Variants in BCAS3 observed in about 807,000 individuals in gnomAD.
BCAS3 encodes BCAS4/BCAS3 fusion.
A neutral mutation model predicts 116.1 loss-of-function variants in BCAS3; 53 were observed. The observed-to-expected ratio is 0.46, with a 90% CI of 0.37 to 0.57. The LOEUF is 0.57. Ranked by LOEUF, BCAS3 falls within the 20% of genes least tolerant of loss-of-function variation. The probability of loss-of-function intolerance (pLI) is 0.00; values close to 1 mark genes in which losing one functional copy is unlikely to be tolerated. For missense variants in BCAS3, 917 were observed against 1,165.4 expected (o/e 0.79, Z 3.10); for synonymous variants, 391 against 408.2 (o/e 0.96, Z 0.51).
intron 22 of BCAS3, among the ~76,000 whole-genome samples, chr17:61,127,342 TAA>T (rs1321923957): frequency 4.6e-5 from 7 of 151,948 alleles, no homozygotes. Flanking sequence ...TTTATAAATA[TAA>T]GAGTGTTTTC....
chr17:61,212,385 G>C (rs1486444148), intron 22 of BCAS3, among the ~76,000 whole-genome samples: 1 of 152,048 alleles, frequency 6.6e-6, no homozygotes, highest in African/African-American at 2.4e-5. Context: ...TAACTAGTGA[G>C]GGCCACCACG....
chr17:60,783,481 A>G (rs2046006013), intron 6 of BCAS3, among the ~76,000 whole-genome samples: 1 of 152,198 alleles, frequency 6.6e-6, no homozygotes, highest in African/African-American at 2.4e-5. Context: ...CTGGGATTAT[A>G]GGCACGAGCC....
At chr17:60,717,696 C>CGG (rs2144068164) in intron 5 of BCAS3, among the ~76,000 whole-genome samples, 1 of 152,268 alleles carries the variant, frequency 6.6e-6, no homozygotes, top group South Asian at 2.1e-4. Context: ...GGTGAAATTA[C>CGG]TTATACCCGC....
intron 13 of BCAS3, among the ~76,000 whole-genome samples, chr17:60,937,763 T>C (rs1273094411): frequency 6.6e-6 from 1 of 152,212 alleles, no homozygotes; most frequent in Non-Finnish European, 1.5e-5. Flanking sequence ...CTATCCCTTC[T>C]GTCTACCAAA....
At chr17:60,888,078 G>T (rs1369501344) in intron 9 of BCAS3, among the ~76,000 whole-genome samples, 1 of 152,162 alleles carries the variant, frequency 6.6e-6, no homozygotes, top group Non-Finnish European at 1.5e-5. Flanking sequence ...AAAGAGTCAT[G>T]CTTATAAGGT....
chr17:61,245,773 T>C (rs1292975042), intron 22 of BCAS3, among the ~76,000 whole-genome samples: 5 of 152,126 alleles, frequency 3.3e-5, no homozygotes, highest in Non-Finnish European at 7.4e-5. Context: ...CATTTAGTAC[T>C]TCTTTTTCAT....
intron 9 of BCAS3, among the ~76,000 whole-genome samples, chr17:60,876,023 A>C (rs1375590702): frequency 6.6e-6 from 1 of 152,068 alleles, no homozygotes; most frequent in African/African-American, 2.4e-5. Flanking sequence ...AAAGATAAGA[A>C]CTTTGAAAAA....
intron 12 of BCAS3, among the ~76,000 whole-genome samples, chr17:60,914,755 C>T (rs1258012803): frequency 6.6e-6 from 1 of 152,152 alleles, no homozygotes; most frequent in African/African-American, 2.4e-5. Context: ...TGATTCACTT[C>T]CACTTAATGA....
rs994160905 is a variant in BCAS3 at position 61,327,492 on chromosome 17, A to C, written c.2426-40835A>C. 5.3e-5 allele frequency among the ~76,000 whole-genome samples: 8 copies of C among 152,012 alleles called. No individual in the cohort carries two copies. Among genetic ancestry groups the C allele is most frequent in the African/African-American group, 1.9e-4 (8 of 41,394 alleles). ...GCAAGTATGTGGAGATGAGGGAGCAAATAGAAAATGAAGCAAAATTTTTTT... is the reference window on the plus strand; with the variant it reads ...GCAAGTATGTGGAGATGAGGGAGCACATAGAAAATGAAGCAAAATTTTTTT... On this transcript the variant is annotated intron_variant, in intron 22 of 23. Transcript: ENST00000407086. The surrounding 1 kb of genome is among the most constrained non-coding windows in gnomAD (Gnocchi z 5.9).
chr17:61,374,441 G>A (rs2059233744), intron 23 of BCAS3, among the ~76,000 whole-genome samples: 1 of 152,222 alleles, frequency 6.6e-6, no homozygotes, highest in Non-Finnish European at 1.5e-5. Context: ...AAAGTGTTGG[G>A]ATTACAGGCA....
Position 60,819,195 on chromosome 17 carries a change from T to G in BCAS3, c.476+11119T>G, listed in dbSNP as rs530459115. Among the ~76,000 whole-genome samples the G allele has an allele frequency of 1.1e-3, 169 of 152,328 alleles. 1 individual carries two copies. Among genetic ancestry groups the G allele is most frequent in the African/African-American group, 3.9e-3 (162 of 41,582 alleles). ...CATGACCCCAGTTCACTTAATTACT[T>G]AAAGCAAATTTTTAGTTTTTGTTTG... On this transcript the variant is annotated intron_variant, in intron 7 of 23. Transcript: ENST00000407086.
chr17:60,775,734 T>A (rs940681598), intron 6 of BCAS3, among the ~76,000 whole-genome samples: 1 of 152,192 alleles, frequency 6.6e-6, no homozygotes. Context: ...TGCAAAGGAA[T>A]GATCCGCACA....
intron 5 of BCAS3, among the ~76,000 whole-genome samples, chr17:60,741,291 C>T (rs1325831886): frequency 6.6e-6 from 1 of 152,164 alleles, no homozygotes; most frequent in Admixed American, 6.5e-5. Flanking sequence ...ATGTGTTGGC[C>T]TGGAAACTGA....
chr17:60,993,690 C>G lies in BCAS3; in HGVS notation c.1486+3455C>G, dbSNP rs1315471174. On this transcript the variant is annotated intron_variant, in intron 15 of 23. Transcript: ENST00000407086. The surrounding 1 kb of genome is among the most constrained non-coding windows in gnomAD (Gnocchi z 4.2). ...TAAACAGTCTGATGCTGGTCAAAAA[C>G]AATGTAAACCATTGAACAGGGAGGG... is the stretch of plus-strand genomic sequence containing the variant. Among the ~76,000 whole-genome samples, 2 of 152,074 alleles carry G rather than the reference C, an allele frequency of 1.3e-5. No homozygotes were observed. Among genetic ancestry groups the G allele is most frequent in the East Asian group, 1.9e-4 (1 of 5,190 alleles).
At chr17:60,929,024 A>G (rs1567891065) in intron 13 of BCAS3, among the ~76,000 whole-genome samples, 1 of 152,188 alleles carries the variant, frequency 6.6e-6, no homozygotes, top group Non-Finnish European at 1.5e-5. Flanking sequence ...TACAGTTTTA[A>G]AAATGTTTTT....
intron 7 of BCAS3, among the ~76,000 whole-genome samples, chr17:60,809,636 G>A (rs1281854622): frequency 1.3e-5 from 2 of 152,330 alleles, no homozygotes; most frequent in East Asian, 1.9e-4. Context: ...AGCATTATCT[G>A]CAGAAATTAC....
chr17:60,732,770 C>G (rs1446727817), intron 5 of BCAS3, among the ~76,000 whole-genome samples: 1 of 152,014 alleles, frequency 6.6e-6, no homozygotes, highest in African/African-American at 2.4e-5. Flanking sequence ...ACCTGGGAGG[C>G]GGAGGTTGCA....
At chr17:61,287,704 T>A (rs1052691102) in intron 22 of BCAS3, among the ~76,000 whole-genome samples, 2 of 151,950 alleles carry the variant, frequency 1.3e-5, no homozygotes, top group African/African-American at 4.8e-5. Context: ...CCAGCCTGGG[T>A]GACAGAGTGA....
chr17:61,339,180 C>A lies in BCAS3; in HGVS notation c.2426-29147C>A, dbSNP rs2056960724. Among the ~76,000 whole-genome samples, 1 of 152,182 alleles carries A rather than the reference C, an allele frequency of 6.6e-6. No individual in the cohort carries two copies. Among genetic ancestry groups the A allele is most frequent in the Non-Finnish European group, 1.5e-5 (1 of 68,040 alleles). ...TGACGATTGGCAGTCATCTTCCCAG[C>A]TCTCGGCTTCAACCCTGATTCTGAC... is the stretch of plus-strand genomic sequence containing the variant. On this transcript the variant is annotated intron_variant, in intron 22 of 23. Coordinates refer to ENST00000407086, the MANE Select transcript of BCAS3 (RefSeq NM_017679.5). The surrounding 1 kb of genome is among the most constrained non-coding windows in gnomAD (Gnocchi z 4.4).
Sources: allele counts gnomAD v4.1 joint callset (sites outside exome capture counted in the v4.1 genomes callset), GRCh38; gene constraint gnomAD v4.1.1; non-coding constraint Gnocchi (gnomAD v3.1); transcripts MANE v1.5; gene names NCBI Gene and HGNC (gene_info 2026-07-23, HGNC 2026-07-21).